The following LETM1 variants were observed in gnomAD, a reference collection of about 807,000 sequenced individuals.
The protein encoded by LETM1 is mitochondrial proton/calcium exchanger protein.
A neutral mutation model predicts 74.5 loss-of-function variants in LETM1; 50 were observed. The observed-to-expected ratio is 0.67, with a 90% CI of 0.53 to 0.85. The LOEUF (loss-of-function observed/expected upper bound fraction) is 0.85. Among genes scored for constraint, LETM1 ranks in the 40% least tolerant of loss-of-function variants. The probability of loss-of-function intolerance (pLI) is 0.00; values close to 1 mark genes in which losing one functional copy is unlikely to be tolerated. For synonymous variants in LETM1, 446 were observed against 407.1 expected, an observed-to-expected ratio of 1.10 and a Z score of -1.15; for missense variants, 824 against 967.8, an observed-to-expected ratio of 0.85 and a Z score of 1.97.
At chr4:1,821,026 GA>G (rs1016561359) in intron 10 of LETM1, among the ~76,000 whole-genome samples, 2 of 150,808 alleles carry the variant, frequency 1.3e-5, no homozygotes, top group African/African-American at 4.9e-5. Flanking sequence ...CACCTCAAAA[GA>G]AAAAAAATTC....
intron 2 of LETM1, among the ~76,000 whole-genome samples, chr4:1,843,532 C>G (rs1712778620): frequency 1.3e-5 from 2 of 152,260 alleles, no homozygotes; most frequent in Non-Finnish European, 1.5e-5. Context: ...CCCCCAAAAA[C>G]TCTCCCAGGC....
chr4:1,815,817 C>A lies in LETM1; in HGVS notation c.1932-15G>T. The stretch of plus-strand genomic sequence containing the variant: ...TGACGTTCTCCCTGTGGAAGCACAG[C>A]CTGCATGTGGCCACGGGCAGGCGTC... On this transcript the variant is annotated splice_polypyrimidine_tract_variant and intron_variant, in intron 12 of 13. Coordinates refer to ENST00000302787, the MANE Select transcript of LETM1 (RefSeq NM_012318.3). 1 of 1,612,590 alleles carries A rather than the reference C, an allele frequency of 6.2e-7. No homozygotes were observed. Among genetic ancestry groups the A allele is most frequent in the South Asian group, 1.1e-5 (1 of 91,044 alleles).
rs1280398316 is a variant in LETM1 at position 1,822,266 on chromosome 4, C to T, written c.1523G>A (p.Gly508Glu). 2 of 1,541,400 alleles carry T rather than the reference C, an allele frequency of 1.3e-6. No homozygotes were observed. Among genetic ancestry groups the T allele is most frequent in the South Asian group, 2.4e-5 (2 of 82,266 alleles). ...AGGCATTTCTGGCTGTGGCTCGGTC[C>T]CCGGCCTTTGGGGAGCAGCTACCAC... ...ERVVAAPQRP[G>E]TEPQPEMPDT... Residue 508 changes from glycine to glutamate, a missense_variant, in exon 10 of 14, where the codon GGG becomes GAG. By Grantham distance (98) the Gly-to-Glu change is moderately conservative. Around this residue, in one of 4 missense-constraint regions of LETM1, gnomAD observed 172 missense variants for 170.7 expected, o/e 1.01. Coordinates refer to ENST00000302787, the MANE Select transcript of LETM1 (RefSeq NM_012318.3).
Position 1,825,593 on chromosome 4 carries a change from C to T in LETM1, c.1171G>A (p.Glu391Lys), listed in dbSNP as rs2108840390. Residue 391 changes from glutamate (E) to lysine (K), a missense_variant, in exon 7 of 14, where the codon GAA (glutamate) becomes AAA (lysine). Physicochemically the swap from Glu to Lys is moderately conservative, Grantham distance 56. This residue lies in a region of LETM1 where 269 missense variants were observed against 348.8 expected (regional missense o/e 0.77). Coordinates refer to ENST00000302787, the MANE Select transcript of LETM1 (RefSeq NM_012318.3). ...ARGMRALGVTEDRLRGQLKQW... is the reference protein window; with the variant it reads ...ARGMRALGVTKDRLRGQLKQW... The stretch of plus-strand genomic sequence containing the variant: ...TTCAGCTGACCCCTCAGGCGGTCTT[C>T]CGTGACGCCCAGGGCCCGCATGCCT... 11 of 1,613,758 alleles carry T rather than the reference C, an allele frequency of 6.8e-6. No homozygotes were observed. The highest frequency in any genetic ancestry group is 1.1e-5 in the South Asian group (1 of 91,064).
intron 7 of LETM1, among the ~76,000 whole-genome samples, chr4:1,825,175 C>T (rs1218849649): frequency 2.6e-5 from 4 of 152,328 alleles, no homozygotes; most frequent in South Asian, 2.1e-4. Flanking sequence ...AAAGTCAGAC[C>T]GTGCCATGCC....
intron 8 of LETM1, 62 bp downstream of exon 8, chr4:1,823,582 C>T (rs1711872900): frequency 1.9e-6 from 3 of 1,601,732 alleles, no homozygotes; most frequent in Non-Finnish European, 2.6e-6. Context: ...CCTCCCCCCA[C>T]CCCAGAAGAG....
At chr4:1,824,301 A>G (rs1711903652) in intron 7 of LETM1, among the ~76,000 whole-genome samples, 1 of 152,172 alleles carries the variant, frequency 6.6e-6, no homozygotes, top group Non-Finnish European at 1.5e-5. Context: ...AGCCTGTGTG[A>G]CAGAGCAAGA....
In LETM1 at chr4:1,834,533, C is replaced by T. The variant is rs894428205; in HGVS notation, c.876+312G>A. ...AGGAGCCCGGCCAAGCCACCCACAC[C>T]TCACACCATCAGGGTCTCAGGCTCC... On this transcript the variant is annotated intron_variant, in intron 5 of 13. Coordinates refer to ENST00000302787, the MANE Select transcript of LETM1 (RefSeq NM_012318.3). This position sits in a 1 kb window ranked among gnomAD's most constrained non-coding sequence, Gnocchi z 5.0. 3 of 1,137,970 alleles carry T rather than the reference C, an allele frequency of 2.6e-6. No individual in the cohort carries two copies. Among genetic ancestry groups the T allele is most frequent in the Non-Finnish European group, 3.2e-6 (3 of 924,154 alleles). 70.5% of individuals were successfully genotyped at this position (1,137,970 alleles called of 1,614,324 possible).
At chr4:1,840,000 A>G (rs1256468784) in intron 3 of LETM1, among the ~76,000 whole-genome samples, 2 of 152,152 alleles carry the variant, frequency 1.3e-5, no homozygotes, top group African/African-American at 4.8e-5. Flanking sequence ...AATCAAACCC[A>G]AAGGGGTGGG....
At chr4:1,844,909 A>AG (rs199966741) in intron 2 of LETM1, among the ~76,000 whole-genome samples, 1 of 146,858 alleles carries the variant, frequency 6.8e-6, no homozygotes, top group Non-Finnish European at 1.5e-5. Context: ...AAAAAAAAAA[A>AG]GGCCAGGCAC....
chr4:1,823,577 C>A, intron 8 of LETM1, 67 bp downstream of exon 8: 2 of 1,594,860 alleles, frequency 1.3e-6, no homozygotes, highest in Non-Finnish European at 1.7e-6. Flanking sequence ...GCACACCTCC[C>A]CCCACCCCAG....
chr4:1,817,853 C>T (rs1288862953), intron 11 of LETM1, among the ~76,000 whole-genome samples: 2 of 152,182 alleles, frequency 1.3e-5, no homozygotes, highest in Non-Finnish European at 1.5e-5. Context: ...CTCACTGCAG[C>T]CTCCAACTCC....
At chr4:1,840,695 A>G (rs1294292365) in intron 3 of LETM1, among the ~76,000 whole-genome samples, 1 of 151,188 alleles carries the variant, frequency 6.6e-6, no homozygotes, top group Admixed American at 6.6e-5. Context: ...AAATAAATAT[A>G]AAAATAATAA....
rs577653775 is a variant in LETM1 at position 1,822,632 on chromosome 4, G to A, written c.1477-320C>T. ...GCATGTGACCCAAGAGGACCACAGG[G>A]CCCGCGTTGAAGAGGAGCCCAGAGG... On this transcript the variant is annotated intron_variant, in intron 9 of 13. Transcript: ENST00000302787. The A allele has an allele frequency of 1.1e-4, 40 of 348,412 alleles. No homozygotes were observed. The East Asian group carries it at 1.2e-3, about 10-fold the overall frequency. The allele number at this position is 348,412 out of a possible 1,614,324, so 21.6% of individuals were successfully genotyped here.
In LETM1 at chr4:1,812,272, G is replaced by A. The variant is rs1722491674; in HGVS notation, c.*2152C>T. 1.4e-5 allele frequency: 2 copies of A among 144,302 alleles called. No homozygotes were observed. The highest frequency in any genetic ancestry group is 1.5e-5 in the Non-Finnish European group (1 of 67,006). 8.9% of individuals were successfully genotyped at this position (144,302 alleles called of 1,614,324 possible). On this transcript the variant is annotated 3_prime_UTR_variant, in exon 14 of 14. Coordinates refer to ENST00000302787, the MANE Select transcript of LETM1 (RefSeq NM_012318.3). ...CCCAATTACTCAGGAGGCTGAGGCA[G>A]AAGAATCGCTTGAACCCGGGAGGTG...
intron 9 of LETM1, 129 bp from the exon 10 acceptor site, chr4:1,822,441 A>G: frequency 9.1e-7 from 1 of 1,093,538 alleles, no homozygotes; most frequent in Non-Finnish European, 1.2e-6. Flanking sequence ...TGGGCAGCAC[A>G]CCTGCCACAG....
At chr4:1,818,526 T>A (rs562969383) in intron 11 of LETM1, among the ~76,000 whole-genome samples, 46 of 151,140 alleles carry the variant, frequency 3.0e-4, no homozygotes, top group Non-Finnish European at 6.2e-4. Flanking sequence ...GGCAGAAGAA[T>A]CATTTGAACC....
chr4:1,814,594 G>A lies in LETM1; in HGVS notation c.2071-21C>T, dbSNP rs752065940. 5 of 1,610,434 alleles carry A rather than the reference G, an allele frequency of 3.1e-6. No homozygotes were observed. The South Asian group carries it at 5.5e-5, about 18-fold the overall frequency. ...ATCACCTACACACGTGGGAAAGGGA[G>A]AGGCTCAGGTGGCTGCGCCCTACAG... On this transcript the variant is annotated intron_variant, in intron 13 of 13. Transcript: ENST00000302787.
In LETM1 at chr4:1,813,188, T is replaced by C. The variant is rs1167629715; in HGVS notation, c.*1236A>G. On this transcript the variant is annotated 3_prime_UTR_variant, in exon 14 of 14. Transcript: ENST00000302787. ...TATTTTGTCAAGTTTCTTTAATGGC[T>C]GAACAGAAAGAAGCTTCAAGTAATG... 1 of 152,410 alleles carries C rather than the reference T, an allele frequency of 6.6e-6. No individual in the cohort carries two copies. Among genetic ancestry groups the C allele is most frequent in the Non-Finnish European group, 1.5e-5 (1 of 68,044 alleles). The allele number at this position is 152,410 out of a possible 1,614,324, so 9.4% of individuals were successfully genotyped here.
Sources: allele counts gnomAD v4.1 joint callset (sites outside exome capture counted in the v4.1 genomes callset), GRCh38; gene constraint gnomAD v4.1.1; regional missense constraint gnomAD v4.1.1; non-coding constraint Gnocchi (gnomAD v3.1); transcripts MANE v1.5; gene names NCBI Gene and HGNC (gene_info 2026-07-23, HGNC 2026-07-21).